The following CTIF variants were observed in gnomAD, a reference collection of about 807,000 sequenced individuals.
The protein encoded by CTIF is cap binding complex dependent translation initiation factor.
In CTIF, 21 loss-of-function variants were observed where a neutral mutation model predicts 66.0. The observed-to-expected ratio is 0.32, with a 90% CI of 0.23 to 0.46. The LOEUF is 0.46. Ranked by LOEUF, CTIF falls within the 20% of genes least tolerant of loss-of-function variation. The probability of loss-of-function intolerance (pLI) is 1.00; values close to 1 mark genes in which losing one functional copy is unlikely to be tolerated. For missense variants in CTIF, 739 were observed against 812.7 expected (o/e 0.91, Z 1.10); for synonymous variants, 345 against 326.4 (o/e 1.06, Z -0.62).
intron 2 of CTIF, among the ~76,000 whole-genome samples, chr18:48,624,042 C>T (rs1346409719): frequency 6.6e-6 from 1 of 150,854 alleles, no homozygotes; most frequent in Non-Finnish European, 1.5e-5. Context: ...AACATCATAC[C>T]TCTCCCCATG....
chr18:48,741,767 A>C (rs1273196943), intron 7 of CTIF, among the ~76,000 whole-genome samples: 2 of 152,080 alleles, frequency 1.3e-5, no homozygotes, highest in African/African-American at 4.8e-5. Flanking sequence ...TTTCCCACCC[A>C]AAAGAAGTGG....
Position 48,683,513 on chromosome 18 carries a change from A to AC in CTIF, c.507+12775dup, listed in dbSNP as rs559067072. On this transcript the variant is annotated intron_variant, in intron 6 of 11. Coordinates refer to ENST00000256413, the MANE Select transcript of CTIF (RefSeq NM_014772.3). ...GCCCTCCTTCTGGATCCAAGCCTTC[A>AC]CCCCCCTTGCCCACTTTTGGGGTGC... Among the ~76,000 whole-genome samples, 16 of 150,842 alleles carry AC rather than the reference A, an allele frequency of 1.1e-4. 1 individual carries two copies. In the East Asian group the frequency reaches 1.2e-3, roughly 11 times the overall value.
intron 2 of CTIF, among the ~76,000 whole-genome samples, chr18:48,629,260 C>T (rs949813325): frequency 3.9e-5 from 6 of 152,202 alleles, no homozygotes; most frequent in African/African-American, 1.4e-4. Context: ...ACGCCACCCT[C>T]GGTTAAGAAG....
chr18:48,600,486 C>A lies in CTIF; in HGVS notation c.-28-19052C>A, dbSNP rs111646616. Among the ~76,000 whole-genome samples the A allele has an allele frequency of 9.9e-4, 150 of 152,232 alleles. 1 individual carries two copies. Among genetic ancestry groups the A allele is most frequent in the African/African-American group, 3.5e-3 (145 of 41,538 alleles). On this transcript the variant is annotated intron_variant, in intron 1 of 11. Transcript: ENST00000256413. ...CACTTCATACTCTGTCTTCTCCTTG[C>A]CACTCTGGGGATGTCCTTGAGCAGA...
intron 1 of CTIF, among the ~76,000 whole-genome samples, chr18:48,547,990 ATTTATTGAGTGCAGGGAG>A (rs1331859850): frequency 2.6e-5 from 4 of 152,288 alleles, no homozygotes; most frequent in African/African-American, 7.2e-5. Context: ...GCTGTGTGGA[ATTTATTGAGTGCAGGGAG>A]TTTATTGAGT....
rs545241648 is a variant in CTIF, at chr18:48,588,619, C to A, written c.-28-30919C>A. 2.0e-5 allele frequency among the ~76,000 whole-genome samples: 3 copies of A among 152,342 alleles called. No homozygotes were observed. In the East Asian group the frequency reaches 5.8e-4, roughly 29 times the overall value. Reference sequence around the variant, plus strand: ...ACCCTCCCTGACCTGTCTGTCCTGCCCCTGCCCGGCTCGCTCCACATCCGT... The same window carrying A: ...ACCCTCCCTGACCTGTCTGTCCTGCACCTGCCCGGCTCGCTCCACATCCGT... On this transcript the variant is annotated intron_variant, in intron 1 of 11. Transcript: ENST00000256413.
In CTIF at chr18:48,573,124, C is replaced by A. The variant is rs564860478; in HGVS notation, c.-29+33812C>A. ...CTGAAGCAGTCTTTAAGGACAAGAG[C>A]CCTTGCGTCTGGATCAGGAAGGCTG... On this transcript the variant is annotated intron_variant, in intron 1 of 11. Transcript: ENST00000256413. 2.0e-5 allele frequency among the ~76,000 whole-genome samples: 3 copies of A among 152,256 alleles called. No homozygotes were observed. In the East Asian group the frequency reaches 5.8e-4, roughly 29 times the overall value.
chr18:48,772,523 T>TAACCCCCCTACA (rs58407736), intron 9 of CTIF, among the ~76,000 whole-genome samples: 1 of 151,714 alleles, frequency 6.6e-6, no homozygotes, highest in Non-Finnish European at 1.5e-5. Flanking sequence ...CCTACAGCAA[T>TAACCCCCCTACA]GCCTCCCCTC....
intron 9 of CTIF, among the ~76,000 whole-genome samples, chr18:48,783,437 G>A (rs1300750022): frequency 6.6e-6 from 1 of 152,138 alleles, no homozygotes; most frequent in Non-Finnish European, 1.5e-5. Context: ...AATAAAATGT[G>A]GGCAACCCTC....
intron 5 of CTIF, among the ~76,000 whole-genome samples, chr18:48,666,861 T>A (rs997390628): frequency 4.6e-5 from 7 of 152,126 alleles, no homozygotes; most frequent in African/African-American, 1.7e-4. Flanking sequence ...CACACTTCTG[T>A]GCTTAGGAAG....
chr18:48,640,928 G>C (rs1351018392), intron 3 of CTIF, among the ~76,000 whole-genome samples: 1 of 152,234 alleles, frequency 6.6e-6, no homozygotes, highest in African/African-American at 2.4e-5. Context: ...CCACGAGAGA[G>C]GAGGAAGAGA....
At chr18:48,837,215 G>A (rs113895697) in intron 10 of CTIF, among the ~76,000 whole-genome samples, 1,922 of 152,204 alleles carry the variant, frequency 0.013, 50 homozygotes, top group African/African-American at 0.044. Flanking sequence ...TCATGGTCTC[G>A]GATCCAAATC....
At chr18:48,691,054 T>C (rs544966903) in intron 6 of CTIF, among the ~76,000 whole-genome samples, 1 of 152,282 alleles carries the variant, frequency 6.6e-6, no homozygotes, top group Admixed American at 6.5e-5. Flanking sequence ...CAACACAGGC[T>C]TCTTCCTTCG....
chr18:48,631,979 T>C (rs892389373), intron 2 of CTIF, among the ~76,000 whole-genome samples: 7 of 152,024 alleles, frequency 4.6e-5, no homozygotes, highest in African/African-American at 1.7e-4. Flanking sequence ...TCAGGACAGG[T>C]TCTGGGGAGG....
At chr18:48,544,814 G>C (rs190867773) in intron 1 of CTIF, among the ~76,000 whole-genome samples, 4 of 152,350 alleles carry the variant, frequency 2.6e-5, no homozygotes, top group African/African-American at 9.6e-5. Context: ...TAGTTGTCGG[G>C]CTGCTTTTCT....
At chr18:48,677,399 C>G (rs1433884643) in intron 6 of CTIF, among the ~76,000 whole-genome samples, 1 of 152,214 alleles carries the variant, frequency 6.6e-6, no homozygotes, top group Non-Finnish European at 1.5e-5. Flanking sequence ...GGGCTGGTAC[C>G]TGTCCCATAG....
chr18:48,633,779 C>A (rs557382359), intron 2 of CTIF, among the ~76,000 whole-genome samples: 2 of 152,018 alleles, frequency 1.3e-5, no homozygotes, highest in Non-Finnish European at 2.9e-5. Context: ...ATGTATTTTA[C>A]GTATGTATGA....
chr18:48,754,787 G>A (rs1908180777), intron 7 of CTIF, among the ~76,000 whole-genome samples: 2 of 152,242 alleles, frequency 1.3e-5, no homozygotes, highest in Admixed American at 1.3e-4. Flanking sequence ...CTTGGCCATT[G>A]CTATATTGTC....
rs999215510 is a variant in CTIF at position 48,768,471 on chromosome 18, G to C, written c.1371+6782G>C. On this transcript the variant is annotated intron_variant, in intron 9 of 11. Transcript: ENST00000256413. ...TGAATCGGAGGTAGGTTCCAGGGCA[G>C]GGATCCCTCCCCAGGCTTATACATG... 3.9e-5 allele frequency among the ~76,000 whole-genome samples: 6 copies of C among 152,310 alleles called. No homozygotes were observed. In the South Asian group the frequency reaches 8.3e-4, roughly 21 times the overall value.
Sources: gnomAD v4.1 joint callset for allele counts (sites outside exome capture counted in the v4.1 genomes callset) on GRCh38, gnomAD v4.1.1 for gene constraint, MANE v1.5 for transcripts, NCBI Gene and HGNC (gene_info 2026-07-23, HGNC 2026-07-21) for gene names.